CEP57L1: variants seen among roughly 807,000 people sequenced by gnomAD.
CEP57L1 encodes the protein centrosomal protein CEP57L1.
In CEP57L1, 37 loss-of-function variants were observed where a neutral mutation model predicts 61.0. That is an observed-to-expected ratio of 0.61 (90% confidence interval 0.47 to 0.80). The LOEUF (loss-of-function observed/expected upper bound fraction) is 0.80. Ranked by LOEUF, CEP57L1 falls within the 30% of genes least tolerant of loss-of-function variation. The pLI is 0.00. For synonymous variants in CEP57L1, 137 were observed against 162.3 expected (o/e 0.84, Z 1.19); for missense variants, 422 against 524.7 (o/e 0.80, Z 1.91).
At chr6:109,143,185 C>T (rs904886084) in intron 1 of CEP57L1, among the ~76,000 whole-genome samples, 5 of 152,100 alleles carry the variant, frequency 3.3e-5, no homozygotes, top group African/African-American at 9.7e-5. Flanking sequence ...TTTTAGAACC[C>T]ACATATGAGT....
At chr6:109,098,837 G>A (rs1376355837) in intron 1 of CEP57L1, among the ~76,000 whole-genome samples, 1 of 152,076 alleles carries the variant, frequency 6.6e-6, no homozygotes, top group South Asian at 2.1e-4. Context: ...TAGACCATAG[G>A]GAAGCAAGGG....
intron 1 of CEP57L1, among the ~76,000 whole-genome samples, chr6:109,131,111 A>G (rs1349208851): frequency 6.6e-6 from 1 of 152,206 alleles, no homozygotes; most frequent in Non-Finnish European, 1.5e-5. Flanking sequence ...AAGTAGATCA[A>G]TTCGAATGTC....
chr6:109,161,775 T>C (rs1017146626), intron 10 of CEP57L1, among the ~76,000 whole-genome samples: 2 of 152,082 alleles, frequency 1.3e-5, no homozygotes, highest in Non-Finnish European at 2.9e-5. Flanking sequence ...TGTATATATA[T>C]ACTATATTTT....
chr6:109,152,142 G>A (rs887604835), intron 4 of CEP57L1, among the ~76,000 whole-genome samples: 9 of 151,756 alleles, frequency 5.9e-5, no homozygotes, highest in Non-Finnish European at 1.2e-4. Context: ...CTGTTTATTG[G>A]TATTGTTTTT....
chr6:109,103,037 T>C (rs1048510944), intron 1 of CEP57L1, among the ~76,000 whole-genome samples: 8 of 152,208 alleles, frequency 5.3e-5, no homozygotes, highest in African/African-American at 1.9e-4. Flanking sequence ...CTTGTCTACA[T>C]TGCTGGTTTT....
At chr6:109,107,663 G>T (rs922221383) in intron 1 of CEP57L1, among the ~76,000 whole-genome samples, 1 of 152,112 alleles carries the variant, frequency 6.6e-6, no homozygotes, top group Non-Finnish European at 1.5e-5. Context: ...ATTTGTGGCT[G>T]GGCATGGTGG....
At position 109,171,934 on chromosome 6, in the gene CEP57L1, G is replaced by A. The variant is rs1006284918; in HGVS notation, c.*8964G>A. On this transcript the variant is annotated 3_prime_UTR_variant, in exon 11 of 11. Coordinates refer to ENST00000517392, the MANE Select transcript of CEP57L1 (RefSeq NM_001271852.3). ...ACTAGACAGTGTGGTGACTGTTTTT[G>A]TTGTTAACCTTACCTCAGTGTTTTA... 1.3e-5 allele frequency among the ~76,000 whole-genome samples: 2 copies of A among 152,152 alleles called. No homozygotes were observed. Among genetic ancestry groups the A allele is most frequent in the African/African-American group, 4.8e-5 (2 of 41,430 alleles).
intron 7 of CEP57L1, chr6:109,157,934 T>C (rs772635686): frequency 1.3e-5 from 2 of 152,036 alleles, no homozygotes; most frequent in Non-Finnish European, 2.9e-5. Flanking sequence ...CTTCCACCAC[T>C]AAAAAACTCC....
chr6:109,148,127 TA>T (rs1051843629), intron 3 of CEP57L1, among the ~76,000 whole-genome samples: 5 of 151,870 alleles, frequency 3.3e-5, no homozygotes, highest in African/African-American at 9.7e-5. Flanking sequence ...TTTATTTTAT[TA>T]TTATTATACT....
At chr6:109,122,122 T>A (rs1314304668) in intron 1 of CEP57L1, among the ~76,000 whole-genome samples, 2 of 152,220 alleles carry the variant, frequency 1.3e-5, no homozygotes, top group Non-Finnish European at 2.9e-5. Flanking sequence ...CTCTGCCAGT[T>A]ATTTGCACTA....
intron 4 of CEP57L1, 148 bp from the exon 5 acceptor site, chr6:109,153,685 T>G (rs1583638127): frequency 3.5e-6 from 2 of 566,184 alleles, no homozygotes; most frequent in East Asian, 6.3e-5. Context: ...TTTTTGCTTG[T>G]AAGCATCTAA....
chr6:109,148,828 C>G (rs1446957414), intron 3 of CEP57L1, among the ~76,000 whole-genome samples: 3 of 152,178 alleles, frequency 2.0e-5, no homozygotes, highest in Non-Finnish European at 2.9e-5. Context: ...GTGTGAGATG[C>G]TATCTCACTG....
chr6:109,148,355 G>A lies in CEP57L1; in HGVS notation c.340+1418G>A, dbSNP rs556581623. ...CATTGTTCAATTCCCACCTATGAGT[G>A]AGAACATGCGGTGTTTGGTTTTTTG... On this transcript the variant is annotated intron_variant, in intron 3 of 10. Coordinates refer to ENST00000517392, the MANE Select transcript of CEP57L1 (RefSeq NM_001271852.3). 1.8e-4 allele frequency among the ~76,000 whole-genome samples: 28 copies of A among 151,936 alleles called. No individual in the cohort carries two copies. The East Asian group carries it at 4.5e-3, about 24-fold the overall frequency.
In CEP57L1 at chr6:109,098,616, C is replaced by CTT. The variant is rs879546760; in HGVS notation, c.-4+3051_-4+3052dup. On this transcript the variant is annotated intron_variant, in intron 1 of 10. Transcript: ENST00000517392. ...AGCCCAGCTAATTTTGTATTTTTTC[C>CTT]TTTTTTTTTTTAACTGAAATTACAT... is the stretch of plus-strand genomic sequence containing the variant. 4.8e-4 allele frequency among the ~76,000 whole-genome samples: 70 copies of CTT among 145,454 alleles called. 1 individual carries two copies. Among genetic ancestry groups the CTT allele is most frequent in the African/African-American group, 1.5e-3 (61 of 39,820 alleles).
At chr6:109,139,587 C>T (rs1262125128) in intron 1 of CEP57L1, among the ~76,000 whole-genome samples, 2 of 151,864 alleles carry the variant, frequency 1.3e-5, no homozygotes, top group African/African-American at 4.8e-5. Flanking sequence ...AGTGATTCTC[C>T]TGCCTCCGCT....
At chr6:109,115,491 A>G (rs558553760) in intron 1 of CEP57L1, among the ~76,000 whole-genome samples, 3 of 152,284 alleles carry the variant, frequency 2.0e-5, no homozygotes, top group Non-Finnish European at 4.4e-5. Context: ...TCTATGTGCT[A>G]TCAGTAGTTT....
chr6:109,101,061 C>T (rs545340747), intron 1 of CEP57L1, among the ~76,000 whole-genome samples: 2 of 152,244 alleles, frequency 1.3e-5, no homozygotes, highest in Admixed American at 6.5e-5. Context: ...GAGCCAAGAT[C>T]GCACCACTGC....
rs553289945 is a variant in CEP57L1 at position 109,173,948 on chromosome 6, A to C, written c.*10978A>C. Among the ~76,000 whole-genome samples the C allele has an allele frequency of 3.5e-3, 515 of 148,748 alleles. 1 individual carries two copies. Among genetic ancestry groups the C allele is most frequent in the African/African-American group, 0.01 (416 of 40,078 alleles). On this transcript the variant is annotated 3_prime_UTR_variant, in exon 11 of 11. Coordinates refer to ENST00000517392, the MANE Select transcript of CEP57L1 (RefSeq NM_001271852.3). Reference sequence around the variant, plus strand: ...CCCGTCTCTACTAAAAAAAAAAAAAAAATTAGCTGGGTGTGGTGGCATGCA... The same window carrying C: ...CCCGTCTCTACTAAAAAAAAAAAAACAATTAGCTGGGTGTGGTGGCATGCA...
intron 3 of CEP57L1, among the ~76,000 whole-genome samples, chr6:109,148,620 T>C (rs1293584242): frequency 6.6e-6 from 1 of 152,190 alleles, no homozygotes; most frequent in African/African-American, 2.4e-5. Flanking sequence ...TTATAATCCT[T>C]TGGGTATATA....
Sources: allele counts gnomAD v4.1 joint callset (sites outside exome capture counted in the v4.1 genomes callset), GRCh38; gene constraint gnomAD v4.1.1; transcripts MANE v1.5; gene names NCBI Gene and HGNC (gene_info 2026-07-23, HGNC 2026-07-21).